Variants in CFAP299 observed in about 807,000 individuals in gnomAD.
CFAP299 encodes the protein cilia- and flagella-associated protein 299.
In CFAP299, 21 loss-of-function variants were observed where a neutral mutation model predicts 27.0. The observed-to-expected ratio is 0.78, with a 90% CI of 0.55 to 1.12. CFAP299 has a LOEUF of 1.12. CFAP299 is among the 50% of genes most tolerant of loss of function. The probability of loss-of-function intolerance (pLI) is 0.00; values close to 1 mark genes in which losing one functional copy is unlikely to be tolerated. For missense variants in CFAP299, 310 were observed against 276.6 expected, an observed-to-expected ratio of 1.12 and a Z score of -0.86; for synonymous variants, 104 against 98.1, an observed-to-expected ratio of 1.06 and a Z score of -0.36.
At chr4:80,503,172 C>T (rs1731824393) in intron 2 of CFAP299, among the ~76,000 whole-genome samples, 1 of 152,134 alleles carries the variant, frequency 6.6e-6, no homozygotes, top group Non-Finnish European at 1.5e-5. Context: ...TAAAAATAAA[C>T]TTAAAACACT....
intron 4 of CFAP299, chr4:80,871,465 A>G: frequency 1.0e-6 from 1 of 985,432 alleles, no homozygotes; most frequent in African/African-American, 1.7e-5. Context: ...ATGGTTTCCA[A>G]ACTCAATTGA....
At chr4:80,364,089 A>ACACACACACACACACAC (rs1553916989) in intron 2 of CFAP299, among the ~76,000 whole-genome samples, 1 of 110,844 alleles carries the variant, frequency 9.0e-6, no homozygotes, top group Admixed American at 9.0e-5. Flanking sequence ...TCCGTCTCAA[A>ACACACACACACACACAC]ACACACACAC....
chr4:80,859,978 T>G (rs1017133803), intron 3 of CFAP299, among the ~76,000 whole-genome samples: 36 of 152,200 alleles, frequency 2.4e-4, no homozygotes, highest in African/African-American at 7.2e-4. Flanking sequence ...ATTGGGGAAG[T>G]TCTCCTGGAT....
intron 4 of CFAP299, among the ~76,000 whole-genome samples, chr4:80,930,931 T>TC (rs763288585): frequency 1.2e-4 from 19 of 152,240 alleles, no homozygotes; most frequent in Middle Eastern, 3.4e-3. Flanking sequence ...CCTTTTTTTT[T>TC]CCCTCAGTCT....
intron 3 of CFAP299, among the ~76,000 whole-genome samples, chr4:80,800,406 T>TAATATA (rs1491545930): frequency 1.7e-5 from 1 of 57,188 alleles, no homozygotes; most frequent in African/African-American, 9.2e-5. Context: ...ATAATATATA[T>TAATATA]TGATATATTA....
At chr4:80,462,688 A>G (rs1279932828) in intron 2 of CFAP299, among the ~76,000 whole-genome samples, 1 of 152,126 alleles carries the variant, frequency 6.6e-6, no homozygotes, top group Non-Finnish European at 1.5e-5. Context: ...CAACAGCTCA[A>G]ACCTCTGCCC....
intron 2 of CFAP299, among the ~76,000 whole-genome samples, chr4:80,421,737 C>T (rs889306635): frequency 1.3e-5 from 2 of 152,166 alleles, no homozygotes; most frequent in Non-Finnish European, 2.9e-5. Context: ...TGCAAATCTT[C>T]AGGGTGAGTC....
intron 1 of CFAP299, among the ~76,000 whole-genome samples, chr4:80,361,711 G>A (rs1163068275): frequency 6.6e-6 from 1 of 152,144 alleles, no homozygotes; most frequent in Non-Finnish European, 1.5e-5. Flanking sequence ...AAAAGTGGCA[G>A]GTTTCTAGGC....
intron 3 of CFAP299, among the ~76,000 whole-genome samples, chr4:80,860,525 C>T (rs1317914825): frequency 1.3e-5 from 2 of 152,048 alleles, no homozygotes; most frequent in Non-Finnish European, 2.9e-5. Context: ...TGTTTTTTCC[C>T]CATCTTTGTG....
chr4:80,552,846 T>C (rs970835079), intron 2 of CFAP299, among the ~76,000 whole-genome samples: 6 of 151,974 alleles, frequency 3.9e-5, no homozygotes, highest in Non-Finnish European at 8.8e-5. Context: ...TGCCACCATG[T>C]CCAGCTAATT....
intron 3 of CFAP299, among the ~76,000 whole-genome samples, chr4:80,635,211 G>T (rs1254257325): frequency 6.6e-6 from 1 of 152,010 alleles, no homozygotes; most frequent in Non-Finnish European, 1.5e-5. Flanking sequence ...TGACATTTCA[G>T]ATATAATTCC....
intron 3 of CFAP299, among the ~76,000 whole-genome samples, chr4:80,673,994 T>C (rs1295047647): frequency 1.3e-5 from 2 of 152,208 alleles, no homozygotes; most frequent in Non-Finnish European, 2.9e-5. Context: ...GTCTGTGTCT[T>C]TTAATTGGGG....
intron 3 of CFAP299, among the ~76,000 whole-genome samples, chr4:80,850,831 AATAAG>A (rs1389046501): frequency 6.6e-6 from 1 of 152,132 alleles, no homozygotes; most frequent in Non-Finnish European, 1.5e-5. Context: ...TGAGGTTTGA[AATAAG>A]ATATTGGCAA....
In CFAP299 at chr4:80,900,420, G is replaced by A. The variant is rs577998196; in HGVS notation, c.476+30285G>A. Reference sequence around the variant, plus strand: ...ATTGTATATCTCATGTTTAAAGAACGTGGGGAAAATATCAGACATGCCAGC... The same window carrying A: ...ATTGTATATCTCATGTTTAAAGAACATGGGGAAAATATCAGACATGCCAGC... On this transcript the variant is annotated intron_variant, in intron 4 of 5. Coordinates refer to ENST00000358105, the MANE Select transcript of CFAP299 (RefSeq NM_152770.3). Among the ~76,000 whole-genome samples, 13 of 152,100 alleles carry A rather than the reference G, an allele frequency of 8.5e-5. No homozygotes were observed. In the East Asian group the frequency reaches 1.4e-3, roughly 16 times the overall value.
At chr4:80,663,848 T>C (rs1256004048) in intron 3 of CFAP299, among the ~76,000 whole-genome samples, 1 of 152,256 alleles carries the variant, frequency 6.6e-6, no homozygotes, top group East Asian at 1.9e-4. Context: ...TGAGATGGTA[T>C]CTCACTGTGG....
intron 3 of CFAP299, among the ~76,000 whole-genome samples, chr4:80,767,767 T>C (rs1725977041): frequency 6.6e-6 from 1 of 152,224 alleles, no homozygotes; most frequent in South Asian, 2.1e-4. Flanking sequence ...CAACTCTACC[T>C]TTCTTCTAAC....
At chr4:80,740,933 A>C (rs1189196356) in intron 3 of CFAP299, among the ~76,000 whole-genome samples, 2 of 152,086 alleles carry the variant, frequency 1.3e-5, no homozygotes, top group East Asian at 3.9e-4. Flanking sequence ...CCCACCCTTC[A>C]GGGCTGTCAG....
intron 3 of CFAP299, among the ~76,000 whole-genome samples, chr4:80,589,312 C>A (rs969826532): frequency 6.6e-6 from 1 of 152,102 alleles, no homozygotes; most frequent in Non-Finnish European, 1.5e-5. Context: ...GGCTCATTAA[C>A]CATTGAGCCC....
chr4:80,889,098 C>A (rs1384128604), intron 4 of CFAP299, among the ~76,000 whole-genome samples: 1 of 134,462 alleles, frequency 7.4e-6, no homozygotes, highest in South Asian at 2.4e-4. Context: ...CAAGAGCAAA[C>A]AAAACCCTAA....
Sources: gnomAD v4.1 joint callset for allele counts (sites outside exome capture counted in the v4.1 genomes callset) on GRCh38, gnomAD v4.1.1 for gene constraint, MANE v1.5 for transcripts, NCBI Gene and HGNC (gene_info 2026-07-23, HGNC 2026-07-21) for gene names.